NKAIN2: variants seen among roughly 807,000 people sequenced by gnomAD.
NKAIN2 encodes the protein sodium/potassium-transporting ATPase subunit beta-1-interacting protein 2.
NKAIN2 carries 14 observed loss-of-function variants against 32.6 expected under a neutral mutation model. That is an observed-to-expected ratio of 0.43 (90% CI 0.28 to 0.67). The LOEUF (loss-of-function observed/expected upper bound fraction) is 0.67, where lower values mean the gene tolerates loss of function less well. Ranked by LOEUF, NKAIN2 falls within the 30% of genes least tolerant of loss-of-function variation. The pLI, the probability that NKAIN2 is intolerant of heterozygous loss-of-function variation, is 0.17. For synonymous variants in NKAIN2, 80 were observed against 87.2 expected, an observed-to-expected ratio of 0.92 and a Z score of 0.46; for missense variants, 198 against 258.3, an observed-to-expected ratio of 0.77 and a Z score of 1.60.
intron 3 of NKAIN2, among the ~76,000 whole-genome samples, chr6:124,396,360 G>A (rs1773376938): frequency 1.3e-5 from 2 of 149,224 alleles, no homozygotes; most frequent in African/African-American, 2.5e-5. Flanking sequence ...AATGAGAGAG[G>A]AATTGATACA....
intron 1 of NKAIN2, among the ~76,000 whole-genome samples, chr6:124,183,734 G>A (rs1012996956): frequency 5.3e-5 from 8 of 152,042 alleles, no homozygotes; most frequent in Admixed American, 2.6e-4. Flanking sequence ...CTCATGCCCT[G>A]CAAGTTTTTT....
intron 1 of NKAIN2, among the ~76,000 whole-genome samples, chr6:123,987,945 T>C (rs1426481764): frequency 3.3e-5 from 5 of 152,180 alleles, no homozygotes; most frequent in Non-Finnish European, 5.9e-5. Flanking sequence ...GTGTGGGTCA[T>C]TGGGATGATC....
intron 3 of NKAIN2, among the ~76,000 whole-genome samples, chr6:124,398,535 C>G (rs1773493813): frequency 6.6e-6 from 1 of 152,080 alleles, no homozygotes. Flanking sequence ...AGCTCATACT[C>G]ACATCTAATA....
chr6:124,578,719 T>G (rs992797512), intron 3 of NKAIN2, among the ~76,000 whole-genome samples: 1 of 151,750 alleles, frequency 6.6e-6, no homozygotes, highest in African/African-American at 2.4e-5. Context: ...GGGCCTTGAG[T>G]GAACGTAAGT....
At chr6:123,882,745 G>C (rs1320868414) in intron 1 of NKAIN2, among the ~76,000 whole-genome samples, 4 of 152,130 alleles carry the variant, frequency 2.6e-5, no homozygotes, top group Admixed American at 2.0e-4. Flanking sequence ...CATTAATTAT[G>C]ATGATTTATT....
At chr6:124,581,039 A>G (rs1781498940) in intron 3 of NKAIN2, among the ~76,000 whole-genome samples, 1 of 152,246 alleles carries the variant, frequency 6.6e-6, no homozygotes, top group Non-Finnish European at 1.5e-5. Flanking sequence ...TATGCAAAGC[A>G]AATATTATTA....
intron 2 of NKAIN2, among the ~76,000 whole-genome samples, chr6:124,333,408 A>G (rs1797742265): frequency 6.6e-6 from 1 of 152,094 alleles, no homozygotes; most frequent in South Asian, 2.1e-4. Context: ...CATGCCTGTA[A>G]TCACAAACTG....
chr6:123,904,987 T>G (rs1347956732), intron 1 of NKAIN2, among the ~76,000 whole-genome samples: 2 of 152,186 alleles, frequency 1.3e-5, no homozygotes, highest in African/African-American at 4.8e-5. Context: ...TATAGGTGAA[T>G]AATTACACAC....
chr6:124,704,006 A>G (rs1279075204), intron 4 of NKAIN2, among the ~76,000 whole-genome samples: 1 of 152,080 alleles, frequency 6.6e-6, no homozygotes, highest in East Asian at 1.9e-4. Context: ...ACCGAAGAGT[A>G]GTATTTGTTT....
At chr6:124,560,764 T>G (rs1417268011) in intron 3 of NKAIN2, among the ~76,000 whole-genome samples, 1 of 152,226 alleles carries the variant, frequency 6.6e-6, no homozygotes, top group Non-Finnish European at 1.5e-5. Flanking sequence ...GCTTACCACA[T>G]TATATCTCAG....
intron 1 of NKAIN2, among the ~76,000 whole-genome samples, chr6:124,051,086 A>G (rs1782377303): frequency 6.6e-6 from 1 of 152,046 alleles, no homozygotes; most frequent in African/African-American, 2.4e-5. Flanking sequence ...AAACTATTTA[A>G]ATTATTTTAA....
chr6:124,188,073 A>G (rs1270875351), intron 1 of NKAIN2, among the ~76,000 whole-genome samples: 1 of 152,232 alleles, frequency 6.6e-6, no homozygotes, highest in Non-Finnish European at 1.5e-5. Context: ...TTGAAGTAAC[A>G]TACAAATAAT....
At chr6:124,008,175 C>T (rs1780162287) in intron 1 of NKAIN2, among the ~76,000 whole-genome samples, 1 of 152,122 alleles carries the variant, frequency 6.6e-6, no homozygotes, top group South Asian at 2.1e-4. Context: ...TCCGATCGCG[C>T]TGCTTTGGTC....
At chr6:124,443,321 C>T (rs1194638904) in intron 3 of NKAIN2, among the ~76,000 whole-genome samples, 1 of 152,078 alleles carries the variant, frequency 6.6e-6, no homozygotes, top group African/African-American at 2.4e-5. Flanking sequence ...ATGATATTCT[C>T]CAAGGTGTCC....
At chr6:124,411,375 T>C (rs1197289416) in intron 3 of NKAIN2, among the ~76,000 whole-genome samples, 4 of 152,268 alleles carry the variant, frequency 2.6e-5, no homozygotes, top group African/African-American at 9.6e-5. Context: ...AGGGCAGGCC[T>C]GGTGGTGACA....
At chr6:124,673,870 A>T (rs1465850374) in intron 4 of NKAIN2, among the ~76,000 whole-genome samples, 3 of 151,912 alleles carry the variant, frequency 2.0e-5, no homozygotes, top group African/African-American at 4.8e-5. Flanking sequence ...TTTGCTGTGC[A>T]GAAACTTTTA....
intron 4 of NKAIN2, among the ~76,000 whole-genome samples, chr6:124,713,725 A>G (rs1474786639): frequency 6.6e-6 from 1 of 152,192 alleles, no homozygotes; most frequent in African/African-American, 2.4e-5. Flanking sequence ...AAGAGGAATA[A>G]GTTTACTCTC....
intron 1 of NKAIN2, among the ~76,000 whole-genome samples, chr6:123,890,945 C>A (rs1180362834): frequency 6.6e-6 from 1 of 152,082 alleles, no homozygotes; most frequent in Non-Finnish European, 1.5e-5. Context: ...GCCCCAGTTG[C>A]CATCAACAGA....
intron 1 of NKAIN2, among the ~76,000 whole-genome samples, chr6:124,201,770 T>C (rs1363828866): frequency 6.6e-6 from 1 of 152,028 alleles, no homozygotes; most frequent in African/African-American, 2.4e-5. Context: ...AGTTATCAAA[T>C]GGTAGCTAAA....
Sources: gnomAD v4.1 joint callset for allele counts (sites outside exome capture counted in the v4.1 genomes callset) on GRCh38, gnomAD v4.1.1 for gene constraint, MANE v1.5 for transcripts, NCBI Gene and HGNC (gene_info 2026-07-23, HGNC 2026-07-21) for gene names.